DCLK1: variants seen among roughly 807,000 people sequenced by gnomAD.
DCLK1 encodes doublecortin like kinase 1.
DCLK1 carries 16 observed loss-of-function variants against 86.2 expected under a neutral mutation model. The observed-to-expected ratio is 0.19, with a 90% CI of 0.13 to 0.28. DCLK1 has a LOEUF of 0.28. Ranked by LOEUF, DCLK1 falls within the 10% of genes least tolerant of loss-of-function variation. The pLI, the probability that DCLK1 is intolerant of heterozygous loss-of-function variation, is 1.00. For synonymous variants in DCLK1, 369 were observed against 370.5 expected (o/e 1.00, Z 0.05); for missense variants, 590 against 940.2 (o/e 0.63, Z 4.87).
intron 4 of DCLK1, among the ~76,000 whole-genome samples, chr13:35,875,904 A>G (rs1185712190): frequency 6.6e-6 from 1 of 152,128 alleles, no homozygotes; most frequent in Admixed American, 6.5e-5. Context: ...GAGAGATGAA[A>G]TGACTTGCAT....
chr13:35,786,567 G>C (rs2086626092), intron 16 of DCLK1, among the ~76,000 whole-genome samples: 1 of 152,156 alleles, frequency 6.6e-6, no homozygotes, highest in East Asian at 1.9e-4. Context: ...TGCCTGATCT[G>C]GGTGCTGCCT....
chr13:35,784,794 G>A (rs372227246), intron 16 of DCLK1, among the ~76,000 whole-genome samples: 2 of 152,068 alleles, frequency 1.3e-5, no homozygotes, highest in East Asian at 1.9e-4. Context: ...ACTAGCCACC[G>A]AGCAACCTGC....
Position 35,770,650 on chromosome 13 carries a change from A to T in DCLK1, c.*3885T>A, listed in dbSNP as rs1277862024. On this transcript the variant is annotated 3_prime_UTR_variant, in exon 17 of 17. Coordinates refer to ENST00000360631, the MANE Select transcript of DCLK1 (RefSeq NM_001330071.2). ...AAAATATCATGTAGCAGTTAAAAAA[A>T]TTATTGACTTACAAATTATAGAAAA... 3 of 152,240 alleles carry T rather than the reference A, an allele frequency of 2.0e-5. No individual in the cohort carries two copies. The highest frequency in any genetic ancestry group is 4.4e-5 in the Non-Finnish European group (3 of 68,038). The allele number at this position is 152,240 out of a possible 1,614,324, so 9.4% of individuals were successfully genotyped here. A position where few individuals can be genotyped will look rare whatever the true frequency, so the allele number is the denominator to read the frequency against.
chr13:36,067,018 C>G (rs9602033), intron 3 of DCLK1, among the ~76,000 whole-genome samples: 44,094 of 131,978 alleles, frequency 0.33, 7,407 homozygotes, highest in South Asian at 0.51. Flanking sequence ...CAGGGATCTA[C>G]AACTAGAAAT....
intron 3 of DCLK1, among the ~76,000 whole-genome samples, chr13:36,045,372 A>ATCTATATATC (rs1405963739): frequency 1.5e-5 from 2 of 129,758 alleles, no homozygotes; most frequent in Non-Finnish European, 3.2e-5. Flanking sequence ...ATATATATAT[A>ATCTATATATC]TATATTTCAA....
At chr13:35,799,121 T>G (rs1566538257) in intron 15 of DCLK1, among the ~76,000 whole-genome samples, 1 of 152,242 alleles carries the variant, frequency 6.6e-6, no homozygotes, top group Non-Finnish European at 1.5e-5. Context: ...TATAATCATC[T>G]GTGAGCTTTT....
intron 5 of DCLK1, among the ~76,000 whole-genome samples, chr13:35,856,498 G>GA (rs1390240205): frequency 1.7e-4 from 26 of 152,106 alleles, no homozygotes; most frequent in African/African-American, 5.8e-4. Context: ...AGATTGGAGG[G>GA]AAAAAATGAG....
chr13:35,818,620 T>C (rs1362612873), intron 11 of DCLK1, among the ~76,000 whole-genome samples: 1 of 152,146 alleles, frequency 6.6e-6, no homozygotes, highest in Non-Finnish European at 1.5e-5. Flanking sequence ...ATGTGAGTTA[T>C]AGTTTGGTTA....
At chr13:36,017,089 C>T (rs765670616) in intron 3 of DCLK1, among the ~76,000 whole-genome samples, 19 of 152,134 alleles carry the variant, frequency 1.2e-4, no homozygotes, top group Admixed American at 5.2e-4. Flanking sequence ...TAAAATAACA[C>T]ATGAATCCCT....
chr13:36,120,547 A>G (rs1211369312), intron 2 of DCLK1, among the ~76,000 whole-genome samples: 2 of 152,184 alleles, frequency 1.3e-5, no homozygotes, highest in Non-Finnish European at 2.9e-5. Context: ...TGTTCCCACA[A>G]TGGCAAAATT....
At chr13:35,949,811 A>T (rs565640956) in intron 3 of DCLK1, among the ~76,000 whole-genome samples, 42 of 144,496 alleles carry the variant, frequency 2.9e-4, no homozygotes, top group Admixed American at 1.7e-3. Flanking sequence ...ACAAACAATG[A>T]TCCATCTTGG....
chr13:35,831,582 G>A (rs750286940), intron 8 of DCLK1, among the ~76,000 whole-genome samples: 1 of 152,118 alleles, frequency 6.6e-6, no homozygotes, highest in Non-Finnish European at 1.5e-5. Context: ...CCTGATCCTT[G>A]TCTTTAAGGT....
chr13:36,051,482 A>G (rs560168066), intron 3 of DCLK1, among the ~76,000 whole-genome samples: 3 of 152,188 alleles, frequency 2.0e-5, no homozygotes, highest in Admixed American at 6.5e-5. Context: ...ACATAAGTAC[A>G]TTTGTCTTGC....
At chr13:36,117,804 C>A (rs1885841552) in intron 2 of DCLK1, among the ~76,000 whole-genome samples, 1 of 152,066 alleles carries the variant, frequency 6.6e-6, no homozygotes, top group Non-Finnish European at 1.5e-5. Flanking sequence ...GGTTAGAAAG[C>A]AAGATGTGTC....
chr13:35,993,026 C>G (rs1203241920), intron 3 of DCLK1, among the ~76,000 whole-genome samples: 2 of 152,170 alleles, frequency 1.3e-5, no homozygotes, highest in African/African-American at 4.8e-5. Context: ...ATTTTCACAT[C>G]CTGGTCCTTT....
At chr13:36,056,296 A>T (rs1032506092) in intron 3 of DCLK1, among the ~76,000 whole-genome samples, 3 of 95,720 alleles carry the variant, frequency 3.1e-5, no homozygotes, top group African/African-American at 1.2e-4. Context: ...ATAAAAAATG[A>T]TGAGTTCATG....
At chr13:35,917,100 C>A (rs918627304) in intron 4 of DCLK1, among the ~76,000 whole-genome samples, 2 of 152,012 alleles carry the variant, frequency 1.3e-5, no homozygotes, top group African/African-American at 4.8e-5. Flanking sequence ...CCCTTTTTGC[C>A]CTATCACATT....
At chr13:35,928,290 C>G (rs776168415) in intron 4 of DCLK1, among the ~76,000 whole-genome samples, 19 of 152,202 alleles carry the variant, frequency 1.2e-4, no homozygotes, top group Non-Finnish European at 2.2e-4. Flanking sequence ...GTTGGAACTG[C>G]CCTCAGCACT....
intron 3 of DCLK1, among the ~76,000 whole-genome samples, chr13:36,028,384 A>G (rs1412127644): frequency 6.6e-6 from 1 of 152,140 alleles, no homozygotes; most frequent in Non-Finnish European, 1.5e-5. Flanking sequence ...TGGCTCATGG[A>G]CTTCAATGTT....
Sources: allele counts gnomAD v4.1 joint callset (sites outside exome capture counted in the v4.1 genomes callset), GRCh38; gene constraint gnomAD v4.1.1; transcripts MANE v1.5; gene names NCBI Gene and HGNC (gene_info 2026-07-23, HGNC 2026-07-21).